The following KALRN variants were observed in gnomAD, a reference collection of about 807,000 sequenced individuals.
KALRN encodes the protein kalirin.
In KALRN, 70 loss-of-function variants were observed where a neutral mutation model predicts 353.7. That is an observed-to-expected ratio of 0.20 (90% CI 0.16 to 0.24). The LOEUF (loss-of-function observed/expected upper bound fraction) is 0.24, where lower values mean the gene tolerates loss of function less well. Ranked by LOEUF, KALRN falls within the 10% of genes least tolerant of loss-of-function variation. KALRN has a pLI of 1.00. For missense variants in KALRN, 2,791 were observed against 3,756.7 expected (o/e 0.74, Z 6.72); for synonymous variants, 1,391 against 1,434.8 (o/e 0.97, Z 0.69).
chr3:124,205,256 G>A (rs775092381), intron 1 of KALRN, among the ~76,000 whole-genome samples: 1 of 152,134 alleles, frequency 6.6e-6, no homozygotes, highest in South Asian at 2.1e-4. Context: ...GTTTAACAAC[G>A]AGCTGGCAAA....
intron 1 of KALRN, among the ~76,000 whole-genome samples, chr3:124,218,008 G>A (rs537108853): frequency 2.0e-5 from 3 of 152,324 alleles, no homozygotes; most frequent in African/African-American, 7.2e-5. Flanking sequence ...GTGGGAGTGG[G>A]AAGAAACTCT....
At chr3:124,099,791 A>G (rs188872835) in intron 1 of KALRN, among the ~76,000 whole-genome samples, 67 of 152,220 alleles carry the variant, frequency 4.4e-4, no homozygotes, top group Non-Finnish European at 8.1e-4. Flanking sequence ...TGTGGTTTTG[A>G]TAGCATTTCC....
intron 10 of KALRN, among the ~76,000 whole-genome samples, chr3:124,372,982 C>T (rs2086071415): frequency 1.3e-5 from 2 of 151,930 alleles, no homozygotes; most frequent in South Asian, 2.1e-4. Flanking sequence ...CAGACATTCC[C>T]GCAACTCCCT....
chr3:124,636,942 T>C (rs1418931727), intron 36 of KALRN, among the ~76,000 whole-genome samples: 2 of 152,122 alleles, frequency 1.3e-5, no homozygotes, highest in Non-Finnish European at 2.9e-5. Context: ...AGGAAGTCAG[T>C]GATTTCTCCT....
intron 34 of KALRN, among the ~76,000 whole-genome samples, chr3:124,629,824 C>A (rs945675853): frequency 1.3e-5 from 2 of 151,116 alleles, no homozygotes; most frequent in African/African-American, 4.8e-5. Context: ...GTCTCTCTCT[C>A]TCTCTGCTTC....
At position 124,472,174 on chromosome 3, in the gene KALRN, C is replaced by T. The variant is rs544252883; in HGVS notation, c.4032-2489C>T. The stretch of plus-strand genomic sequence containing the variant: ...ATCAGATTTTAAATAAAATTGCCAG[C>T]ACTGTCTTTCTATCAATGATCAATT... On this transcript the variant is annotated intron_variant, in intron 25 of 59. Transcript: ENST00000682506. Among the ~76,000 whole-genome samples the T allele has an allele frequency of 5.3e-5, 8 of 152,242 alleles. No individual in the cohort carries two copies. The South Asian group carries it at 1.7e-3, about 32-fold the overall frequency.
intron 11 of KALRN, among the ~76,000 whole-genome samples, chr3:124,385,446 G>A (rs1490764815): frequency 1.3e-5 from 2 of 152,186 alleles, no homozygotes. Context: ...CACAGAACTT[G>A]TAGGACTACC....
intron 14 of KALRN, among the ~76,000 whole-genome samples, chr3:124,419,955 A>G (rs2092702052): frequency 6.6e-6 from 1 of 152,284 alleles, no homozygotes; most frequent in South Asian, 2.1e-4. Flanking sequence ...GATATTTACC[A>G]TTTGATGGGC....
At chr3:124,597,893 T>G (rs1169801786) in intron 34 of KALRN, among the ~76,000 whole-genome samples, 1 of 152,226 alleles carries the variant, frequency 6.6e-6, no homozygotes, top group African/African-American at 2.4e-5. Context: ...CCATTCTATC[T>G]GTAGTAAATT....
In KALRN at chr3:124,655,662, G is replaced by T. The variant is rs142800005; in HGVS notation, c.5857G>T (p.Val1953Leu). 4 of 1,613,794 alleles carry T rather than the reference G, an allele frequency of 2.5e-6. 1 individual carries two copies. In the Admixed American group the frequency reaches 5.0e-5, roughly 20 times the overall value. Residue 1953 changes from valine (V) to leucine (L), a missense_variant, in exon 39 of 60, where the codon GTG (valine) becomes TTG (leucine). Transcript: ENST00000682506. ...KDYVKDLGIVVEGFMKRIEEK... is the reference protein window; with the variant it reads ...KDYVKDLGIVLEGFMKRIEEK... ...CTATGTCAAGGATCTGGGCATTGTG[G>T]TGGAGGTAAGTAGAGGGTTCCAGGT...
At chr3:124,298,580 C>T (rs750433174) in intron 5 of KALRN, among the ~76,000 whole-genome samples, 1 of 152,052 alleles carries the variant, frequency 6.6e-6, no homozygotes, top group Non-Finnish European at 1.5e-5. Flanking sequence ...TGCAACACAG[C>T]GGCTGCTGGT....
At chr3:124,684,444 T>C (rs1321481050) in intron 51 of KALRN, among the ~76,000 whole-genome samples, 2 of 152,176 alleles carry the variant, frequency 1.3e-5, no homozygotes, top group Non-Finnish European at 2.9e-5. Flanking sequence ...GAAGTGTAAC[T>C]TAAACAAAAA....
At chr3:124,662,749 T>C (rs929792334) in intron 45 of KALRN, among the ~76,000 whole-genome samples, 14 of 152,196 alleles carry the variant, frequency 9.2e-5, no homozygotes, top group African/African-American at 3.4e-4. Context: ...GTACCATAAA[T>C]TGGGCAGCTT....
At chr3:124,054,194 T>C (rs1416526426) in intron 1 of KALRN, among the ~76,000 whole-genome samples, 2 of 151,976 alleles carry the variant, frequency 1.3e-5, no homozygotes, top group African/African-American at 4.8e-5. Context: ...CAGTACCACA[T>C]CCTCCTCTAT....
At chr3:124,513,682 A>G (rs1264297670) in intron 33 of KALRN, among the ~76,000 whole-genome samples, 1 of 152,234 alleles carries the variant, frequency 6.6e-6, no homozygotes, top group East Asian at 1.9e-4. Context: ...GCCTAGGTTC[A>G]GAGTTCTCTC....
chr3:124,052,790 A>T (rs1240730554), intron 1 of KALRN, among the ~76,000 whole-genome samples: 1 of 152,020 alleles, frequency 6.6e-6, no homozygotes, highest in Non-Finnish European at 1.5e-5. Flanking sequence ...TAAATGAGGA[A>T]TGAAGTCTAT....
intron 13 of KALRN, among the ~76,000 whole-genome samples, chr3:124,401,440 G>A (rs533739349): frequency 2.6e-5 from 4 of 152,188 alleles, no homozygotes; most frequent in Non-Finnish European, 5.9e-5. Context: ...AGGAGGCGGA[G>A]GTTGCAGTGA....
chr3:124,609,843 C>T (rs919790049), intron 34 of KALRN, among the ~76,000 whole-genome samples: 1 of 152,112 alleles, frequency 6.6e-6, no homozygotes, highest in African/African-American at 2.4e-5. Context: ...TGGTAGTTAT[C>T]CTCATTTTAT....
chr3:124,563,114 GC>G, intron 34 of KALRN, 25 bp downstream of exon 34: 1 of 1,360,650 alleles, frequency 7.3e-7, no homozygotes, highest in Non-Finnish European at 9.8e-7. Flanking sequence ...CGGGTGGGAG[GC>G]ACAGACCAAG....
Sources: gnomAD v4.1 joint callset for allele counts (sites outside exome capture counted in the v4.1 genomes callset) on GRCh38, gnomAD v4.1.1 for gene constraint, MANE v1.5 for transcripts, NCBI Gene and HGNC (gene_info 2026-07-23, HGNC 2026-07-21) for gene names.